Variants in CTIF observed in about 807,000 individuals in gnomAD.
CTIF encodes cap binding complex dependent translation initiation factor.
Under a neutral mutation model 66.0 loss-of-function variants are expected in CTIF, and 21 were observed. The observed-to-expected ratio is 0.32, with a 90% CI of 0.23 to 0.46. CTIF has a LOEUF of 0.46. CTIF is among the 20% of genes least tolerant of loss of function. The pLI is 1.00. For missense variants in CTIF, 739 were observed against 812.7 expected, an observed-to-expected ratio of 0.91 and a Z score of 1.10; for synonymous variants, 345 against 326.4, an observed-to-expected ratio of 1.06 and a Z score of -0.62.
chr18:48,761,554 G>A lies in CTIF; in HGVS notation c.1236G>A (p.Glu412=). 2 of 1,614,232 alleles carry A rather than the reference G, an allele frequency of 1.2e-6. No individual in the cohort carries two copies. Among genetic ancestry groups the A allele is most frequent in the South Asian group, 2.2e-5 (2 of 91,088 alleles). ...CCAACTCCGAGGAGATGCTGGGCGAGATCGTGCGCACAATCTACCAGAAGG... is the reference window on the plus strand; with the variant it reads ...CCAACTCCGAGGAGATGCTGGGCGAAATCGTGCGCACAATCTACCAGAAGG... ...NSTNSEEMLG[E]IVRTIYQKAV... Residue 412 remains glutamate (E), a synonymous_variant, in exon 9 of 12, where the codon GAG becomes GAA. Coordinates refer to ENST00000256413, the MANE Select transcript of CTIF (RefSeq NM_014772.3). The surrounding 1 kb of genome is among the most constrained non-coding windows in gnomAD (Gnocchi z 4.2).
intron 2 of CTIF, among the ~76,000 whole-genome samples, chr18:48,633,701 CAATA>C (rs59134064): frequency 0.12 from 16,797 of 145,900 alleles, 1,260 homozygotes; most frequent in East Asian, 0.39. Context: ...GCCTCCATCT[CAATA>C]AATAAATAAA....
rs368000789 is a variant in CTIF, at chr18:48,859,002, AG to A, written c.1582-339del. On this transcript the variant is annotated intron_variant, in intron 11 of 11. Coordinates refer to ENST00000256413, the MANE Select transcript of CTIF (RefSeq NM_014772.3). ...GGGGCACAGATCATGGAGCCATTTG[AG>A]GGTGCGGATGTAGTCAGGGAAGGCT... is the stretch of plus-strand genomic sequence containing the variant. 3.4e-3 allele frequency among the ~76,000 whole-genome samples: 513 copies of A among 152,250 alleles called. 3 individuals carry two copies. Among genetic ancestry groups the A allele is most frequent in the African/African-American group, 0.011 (460 of 41,532 alleles).
intron 1 of CTIF, among the ~76,000 whole-genome samples, chr18:48,556,425 G>C (rs1035058914): frequency 2.0e-5 from 3 of 152,176 alleles, no homozygotes; most frequent in Non-Finnish European, 2.9e-5. Flanking sequence ...GGAGGTGATG[G>C]TCTGCTCAGG....
intron 6 of CTIF, among the ~76,000 whole-genome samples, chr18:48,700,589 A>C (rs763456955): frequency 3.3e-5 from 5 of 152,232 alleles, no homozygotes; most frequent in Non-Finnish European, 5.9e-5. Flanking sequence ...TGCGAACGTG[A>C]CTACTGCTAG....
chr18:48,615,900 C>A (rs1443107201), intron 1 of CTIF, among the ~76,000 whole-genome samples: 1 of 152,230 alleles, frequency 6.6e-6, no homozygotes, highest in Non-Finnish European at 1.5e-5. Flanking sequence ...CAGAGCGAGT[C>A]CTCTTCCTTC....
intron 5 of CTIF, among the ~76,000 whole-genome samples, chr18:48,669,842 A>AT (rs2091499720): frequency 2.9e-5 from 2 of 69,840 alleles, no homozygotes; most frequent in Admixed American, 1.6e-4. Context: ...TATATATATA[A>AT]GCTAGACTAT....
intron 9 of CTIF, among the ~76,000 whole-genome samples, chr18:48,777,220 G>A (rs977441407): frequency 6.6e-6 from 1 of 152,230 alleles, no homozygotes; most frequent in Admixed American, 6.5e-5. Context: ...TGTGCTGGCG[G>A]CAGCACCTGC....
chr18:48,638,582 A>G (rs1278116649), intron 3 of CTIF, among the ~76,000 whole-genome samples: 1 of 152,032 alleles, frequency 6.6e-6, no homozygotes, highest in Non-Finnish European at 1.5e-5. Context: ...TTCGCCAGAT[A>G]ATATGGGCCC....
At chr18:48,556,339 C>A (rs1021059218) in intron 1 of CTIF, among the ~76,000 whole-genome samples, 4 of 152,174 alleles carry the variant, frequency 2.6e-5, no homozygotes, top group African/African-American at 9.7e-5. Context: ...AAGCTCACTA[C>A]AGAATCTTAA....
intron 9 of CTIF, among the ~76,000 whole-genome samples, chr18:48,777,536 C>G (rs1910804494): frequency 6.6e-6 from 1 of 152,160 alleles, no homozygotes; most frequent in Admixed American, 6.5e-5. Context: ...AACCAGGGCT[C>G]TTGGAGGCCA....
At chr18:48,841,693 G>A (rs1049648606) in intron 10 of CTIF, among the ~76,000 whole-genome samples, 4 of 142,864 alleles carry the variant, frequency 2.8e-5, no homozygotes, top group African/African-American at 1.1e-4. Flanking sequence ...GCGGGCAGGC[G>A]GGCAGGCCCC....
chr18:48,634,279 T>C (rs2090773970), intron 2 of CTIF, among the ~76,000 whole-genome samples: 1 of 152,226 alleles, frequency 6.6e-6, no homozygotes, highest in Admixed American at 6.5e-5. Context: ...GTTTTGTTAC[T>C]GGTGATATTA....
intron 10 of CTIF, among the ~76,000 whole-genome samples, chr18:48,822,218 A>G (rs943460843): frequency 6.6e-6 from 1 of 151,972 alleles, no homozygotes; most frequent in Non-Finnish European, 1.5e-5. Flanking sequence ...TTTTTCTTGG[A>G]GGTTAATATT....
chr18:48,679,149 A>C (rs2091696789), intron 6 of CTIF, among the ~76,000 whole-genome samples: 1 of 152,202 alleles, frequency 6.6e-6, no homozygotes, highest in Non-Finnish European at 1.5e-5. Context: ...CCTAAAGCTC[A>C]CTCACTAGTC....
At chr18:48,653,757 T>G (rs8095168) in intron 3 of CTIF, among the ~76,000 whole-genome samples, 91,093 of 152,062 alleles carry the variant, frequency 0.6, 29,562 homozygotes, top group East Asian at 0.85. Flanking sequence ...AAAACAGCAT[T>G]GCACTGGTAC....
At chr18:48,628,325 C>T (rs1168149502) in intron 2 of CTIF, among the ~76,000 whole-genome samples, 2 of 152,088 alleles carry the variant, frequency 1.3e-5, no homozygotes, top group Non-Finnish European at 2.9e-5. Context: ...GCTTTAAGCC[C>T]AGGGGGTGAG....
intron 9 of CTIF, among the ~76,000 whole-genome samples, chr18:48,789,394 TA>T (rs2146118975): frequency 6.6e-6 from 1 of 152,332 alleles, no homozygotes; most frequent in East Asian, 1.9e-4. Flanking sequence ...GATAATGTAG[TA>T]AAGGGCATAA....
At chr18:48,635,327 CTTTTTTTTT>C (rs561455888) in intron 2 of CTIF, among the ~76,000 whole-genome samples, 4 of 113,378 alleles carry the variant, frequency 3.5e-5, no homozygotes, top group Admixed American at 3.5e-4. Context: ...CTTTTTCTTT[CTTTTTTTTT>C]TTTTTTTTTT....
intron 10 of CTIF, among the ~76,000 whole-genome samples, chr18:48,840,553 C>G (rs2068916157): frequency 6.6e-6 from 1 of 152,194 alleles, no homozygotes; most frequent in Admixed American, 6.5e-5. Flanking sequence ...ATCTCCGAGT[C>G]TCTTAGACTT....
Sources: allele counts gnomAD v4.1 joint callset (sites outside exome capture counted in the v4.1 genomes callset), GRCh38; gene constraint gnomAD v4.1.1; non-coding constraint Gnocchi (gnomAD v3.1); transcripts MANE v1.5; gene names NCBI Gene and HGNC (gene_info 2026-07-23, HGNC 2026-07-21).